Variants in VRK2 observed in about 807,000 individuals in gnomAD.
The protein encoded by VRK2 is VRK serine/threonine kinase 2, also known as serine/threonine-protein kinase VRK2.
A neutral mutation model predicts 57.6 loss-of-function variants in VRK2; 60 were observed. The observed-to-expected ratio is 1.04, with a 90% confidence interval of 0.85 to 1.29. VRK2 has a LOEUF of 1.29. Ranked by LOEUF, VRK2 falls within the 50% of genes most tolerant of loss-of-function variation. The probability of loss-of-function intolerance (pLI) is 0.00; values close to 1 mark genes in which losing one functional copy is unlikely to be tolerated. For synonymous variants in VRK2, 231 were observed against 199.2 expected, an observed-to-expected ratio of 1.16 and a Z score of -1.35; for missense variants, 705 against 588.1, an observed-to-expected ratio of 1.20 and a Z score of -2.06.
chr2:58,159,356 C>T lies in VRK2; in HGVS notation c.1190C>T (p.Thr397Ile), dbSNP rs1256553125. 3 of 1,601,612 alleles carry T rather than the reference C, an allele frequency of 1.9e-6. No homozygotes were observed. The highest frequency in any genetic ancestry group is 2.6e-6 in the Non-Finnish European group (3 of 1,175,642). The change falls in exon 13 of 13, where the codon ACA becomes ATA. Residue 397 changes from threonine (T) to isoleucine (I), a missense_variant. By Grantham distance (89) the Thr-to-Ile change is moderately conservative. Transcript: ENST00000340157. The part of the protein sequence containing the change: ...LMNNEAAQES[T>I]RRRQKYQESQ... ...TATGTATTTTTTCCATAGGAAAGCA[C>T]AAGGAGAAGACAGAAATATCAAGAG...
At position 58,040,074 on chromosome 2, in the gene VRK2, G is replaced by T. The variant is rs190629094; in HGVS notation, c.-6+6521G>T. Among the ~76,000 whole-genome samples the T allele has an allele frequency of 4.2e-3, 633 of 152,024 alleles. 6 individuals are homozygous for T. The highest frequency in any genetic ancestry group is 0.015 in the African/African-American group (603 of 41,460). On this transcript the variant is annotated intron_variant, in intron 3 of 15. Transcript: ENST00000417641. The stretch of plus-strand genomic sequence containing the variant: ...ATACAGGCACACACTACCACACCTG[G>T]CTAATTTTTTTTACTTTTTATTAAT...
intron 1 of VRK2, among the ~76,000 whole-genome samples, chr2:57,955,733 A>G (rs1572902392): frequency 6.6e-6 from 1 of 152,356 alleles, no homozygotes; most frequent in Non-Finnish European, 1.5e-5. Flanking sequence ...CATCCTGCAC[A>G]TGTATCCTGG....
chr2:58,150,726 A>G (rs946279205), intron 12 of VRK2, among the ~76,000 whole-genome samples: 4 of 151,358 alleles, frequency 2.6e-5, no homozygotes, highest in African/African-American at 4.8e-5. Flanking sequence ...AGTTTAAATC[A>G]CTAATTTTTT....
At chr2:58,073,131 C>A (rs972039968) in intron 2 of VRK2, among the ~76,000 whole-genome samples, 1 of 151,984 alleles carries the variant, frequency 6.6e-6, no homozygotes, top group Non-Finnish European at 1.5e-5. Flanking sequence ...GACTTTTAGT[C>A]ATTAATTTCT....
At chr2:58,073,355 C>A (rs1669612382) in intron 2 of VRK2, among the ~76,000 whole-genome samples, 1 of 151,936 alleles carries the variant, frequency 6.6e-6, no homozygotes, top group Non-Finnish European at 1.5e-5. Flanking sequence ...CAACCGTATT[C>A]TTATTAACTT....
chr2:58,004,009 A>T (rs1673167890), intron 1 of VRK2, among the ~76,000 whole-genome samples: 1 of 152,148 alleles, frequency 6.6e-6, no homozygotes, highest in African/African-American at 2.4e-5. Context: ...TTTTGCAAAT[A>T]TTAGGAAATG....
chr2:57,944,148 T>C (rs1031313123), intron 1 of VRK2, among the ~76,000 whole-genome samples: 2 of 152,218 alleles, frequency 1.3e-5, no homozygotes, highest in African/African-American at 4.8e-5. Flanking sequence ...TCTTTGCCAT[T>C]GTTAATGCTC....
At chr2:58,135,085 A>C in intron 9 of VRK2, 56 bp from the exon 10 acceptor site, 1 of 1,593,586 alleles carries the variant, frequency 6.3e-7, no homozygotes, top group South Asian at 1.1e-5. Flanking sequence ...TTTTCTAGTC[A>C]AAATAATCAC....
At chr2:58,079,386 CCTAT>C (rs767243391) in intron 2 of VRK2, among the ~76,000 whole-genome samples, 34 of 152,104 alleles carry the variant, frequency 2.2e-4, no homozygotes, top group Admixed American at 5.9e-4. Flanking sequence ...CATCCATTTG[CCTAT>C]CTGTTTTAAT....
chr2:58,101,438 A>G (rs1673948809), intron 7 of VRK2, among the ~76,000 whole-genome samples: 1 of 151,760 alleles, frequency 6.6e-6, no homozygotes, highest in Admixed American at 6.6e-5. Context: ...TATTATCAGA[A>G]TGTGATTACT....
chr2:58,108,883 T>G (rs1675139818), intron 7 of VRK2, among the ~76,000 whole-genome samples: 2 of 152,192 alleles, frequency 1.3e-5, no homozygotes, highest in South Asian at 2.1e-4. Flanking sequence ...GTTACTAGAA[T>G]TTATTTGTTT....
intron 7 of VRK2, among the ~76,000 whole-genome samples, chr2:58,091,779 A>G (rs1291932049): frequency 6.6e-6 from 1 of 152,130 alleles, no homozygotes; most frequent in Non-Finnish European, 1.5e-5. Context: ...AAGGAATATG[A>G]CTGTCCTAGA....
At chr2:58,001,964 G>T (rs1673103636) in intron 1 of VRK2, among the ~76,000 whole-genome samples, 1 of 151,990 alleles carries the variant, frequency 6.6e-6, no homozygotes, top group South Asian at 2.1e-4. Context: ...TGTGTGACTA[G>T]AATTTAACAC....
At chr2:57,934,508 T>C (rs1201292215) in intron 1 of VRK2, among the ~76,000 whole-genome samples, 1 of 152,222 alleles carries the variant, frequency 6.6e-6, no homozygotes, top group Non-Finnish European at 1.5e-5. Flanking sequence ...TCTCTTTATG[T>C]TTGATTTTAG....
rs553496866 is a variant in VRK2 at position 58,067,891 on chromosome 2, TTTTTC to T, written c.137-16174_137-16170del. ...AACTTTTCTTTTTCCTCAATATCTT[TTTTTC>T]TTTTCTTTTCTTTTCTTTTCTTTCT... On this transcript the variant is annotated intron_variant, in intron 2 of 12. Transcript: ENST00000340157. Among the ~76,000 whole-genome samples the T allele has an allele frequency of 1.1e-3, 166 of 151,988 alleles. 1 individual carries two copies. Among genetic ancestry groups the T allele is most frequent in the African/African-American group, 2.2e-3 (91 of 41,508 alleles).
chr2:58,136,828 A>G (rs958725759), intron 10 of VRK2, among the ~76,000 whole-genome samples: 1 of 141,268 alleles, frequency 7.1e-6, no homozygotes, highest in African/African-American at 2.7e-5. Flanking sequence ...ATATGTGTGT[A>G]TATATATCAT....
chr2:57,989,715 T>C (rs909289702), intron 1 of VRK2, among the ~76,000 whole-genome samples: 18 of 152,216 alleles, frequency 1.2e-4, no homozygotes, highest in African/African-American at 4.1e-4. Context: ...AGTATTCATA[T>C]AATAAATGCA....
chr2:57,967,380 A>C (rs1170348521), intron 1 of VRK2, among the ~76,000 whole-genome samples: 1 of 152,056 alleles, frequency 6.6e-6, no homozygotes, highest in African/African-American at 2.4e-5. Context: ...TAATAATAAT[A>C]ATAATAAGAT....
intron 2 of VRK2, among the ~76,000 whole-genome samples, chr2:58,059,389 C>A (rs867997531): frequency 6.6e-6 from 1 of 151,822 alleles, no homozygotes; most frequent in African/African-American, 2.4e-5. Context: ...CTGTTTAAAT[C>A]TCTGTGATAT....
Sources: allele counts gnomAD v4.1 joint callset (sites outside exome capture counted in the v4.1 genomes callset), GRCh38; gene constraint gnomAD v4.1.1; transcripts MANE v1.5; gene names NCBI Gene and HGNC (gene_info 2026-07-23, HGNC 2026-07-21).